MDFIC2: variants seen among roughly 807,000 people sequenced by gnomAD.
The protein encoded by MDFIC2 is MyoD family inhibitor domain containing 2, also known as myoD family inhibitor domain-containing protein 2.
chr3:70,241,010 G>A (rs139182160), intron 2 of MDFIC2, among the ~76,000 whole-genome samples: 221 of 152,008 alleles, frequency 1.5e-3, no homozygotes, highest in African/African-American at 4.4e-3. Context: ...TCATTTTTTC[G>A]TGTCCACCCA....
intron 2 of MDFIC2, among the ~76,000 whole-genome samples, chr3:70,259,221 T>C (rs891299820): frequency 2.6e-5 from 4 of 152,258 alleles, no homozygotes; most frequent in Middle Eastern, 6.8e-3. Context: ...CTATTCATAG[T>C]CTATGCTAAA....
chr3:70,299,418 C>T (rs1702324396), intron 2 of MDFIC2, among the ~76,000 whole-genome samples: 1 of 151,964 alleles, frequency 6.6e-6, no homozygotes, highest in African/African-American at 2.4e-5. Flanking sequence ...TTTTCATATT[C>T]TAATTTTTCT....
At chr3:70,289,281 C>T (rs1236610085) in intron 2 of MDFIC2, among the ~76,000 whole-genome samples, 7 of 151,036 alleles carry the variant, frequency 4.6e-5, no homozygotes, top group Non-Finnish European at 7.4e-5. Flanking sequence ...TCAGCATTTG[C>T]TTGTCTGTAA....
At chr3:70,289,598 C>T (rs1189111205) in intron 2 of MDFIC2, among the ~76,000 whole-genome samples, 28 of 149,336 alleles carry the variant, frequency 1.9e-4, no homozygotes, top group African/African-American at 6.1e-4. Flanking sequence ...TGAATCTGAA[C>T]GTTGGCCTGC....
At chr3:70,288,739 G>C (rs919952993) in intron 2 of MDFIC2, among the ~76,000 whole-genome samples, 6 of 151,858 alleles carry the variant, frequency 4.0e-5, no homozygotes, top group African/African-American at 1.5e-4. Context: ...GAATCTAGGT[G>C]CTCCTGTGTT....
rs1701429738 is a variant in MDFIC2, at chr3:70,217,809, TTC to T, written c.89-11021_89-11020del. The stretch of plus-strand genomic sequence containing the variant: ...CATTGAACCTGGTTTATTTAGCTAG[TTC>T]TGTCTCTGAGTTATGAGGGCTTGGG... On this transcript the variant is annotated intron_variant, in intron 2 of 3. Transcript: ENST00000567252. 2.0e-5 allele frequency among the ~76,000 whole-genome samples: 3 copies of T among 152,156 alleles called. No homozygotes were observed. The South Asian group carries it at 6.2e-4, about 31-fold the overall frequency.
In MDFIC2 at chr3:70,214,295, A is replaced by G. The variant is rs1701383783; in HGVS notation, c.89-7505T>C. 2.0e-5 allele frequency among the ~76,000 whole-genome samples: 3 copies of G among 152,246 alleles called. No individual in the cohort carries two copies. In the South Asian group the frequency reaches 6.2e-4, roughly 32 times the overall value. On this transcript the variant is annotated intron_variant, in intron 2 of 3. Transcript: ENST00000567252. ...TTCAAGTTAAAGTCACAGTCGTATA[A>G]ATCGTTGTTTTGATTTGTCTTCTGT...
rs1488656697 is a variant in MDFIC2, at chr3:70,216,468, A to G, written c.89-9678T>C. On this transcript the variant is annotated intron_variant, in intron 2 of 3. Transcript: ENST00000567252. ...CCCATTTTTCACATGAGGACACAGA[A>G]AACGCGGGGATATCAAATAACTTAC... 4.6e-5 allele frequency among the ~76,000 whole-genome samples: 7 copies of G among 152,022 alleles called. No individual in the cohort carries two copies. The East Asian group carries it at 1.4e-3, about 29-fold the overall frequency.
chr3:70,251,409 T>C (rs559225644), intron 2 of MDFIC2, among the ~76,000 whole-genome samples: 1 of 152,326 alleles, frequency 6.6e-6, no homozygotes, highest in South Asian at 2.1e-4. Context: ...TCCCAAGATT[T>C]AAGGTTACAG....
intron 2 of MDFIC2, chr3:70,272,457 G>T (rs1039263745): frequency 6.6e-5 from 10 of 152,196 alleles, no homozygotes; most frequent in African/African-American, 2.4e-4. Context: ...CAATGCTGGG[G>T]CATAATCCAT....
At chr3:70,290,791 G>A (rs1259578027) in intron 2 of MDFIC2, among the ~76,000 whole-genome samples, 1 of 152,206 alleles carries the variant, frequency 6.6e-6, no homozygotes, top group African/African-American at 2.4e-5. Flanking sequence ...TGTCGGAAAA[G>A]CGCAGTATTC....
At chr3:70,209,579 G>A (rs188019423) in intron 2 of MDFIC2, among the ~76,000 whole-genome samples, 1 of 152,088 alleles carries the variant, frequency 6.6e-6, no homozygotes, top group Non-Finnish European at 1.5e-5. Flanking sequence ...AGTTTATTTA[G>A]GTAAATTGTC....
intron 2 of MDFIC2, among the ~76,000 whole-genome samples, chr3:70,277,483 A>T (rs1247307628): frequency 6.6e-6 from 1 of 152,154 alleles, no homozygotes; most frequent in East Asian, 1.9e-4. Context: ...TCACTTGATA[A>T]TATTTAGAAT....
intron 2 of MDFIC2, among the ~76,000 whole-genome samples, chr3:70,295,046 A>G (rs1000383298): frequency 6.6e-6 from 1 of 152,166 alleles, no homozygotes; most frequent in African/African-American, 2.4e-5. Flanking sequence ...GCCTAAAATA[A>G]TCAATGATCT....
chr3:70,276,750 C>T (rs1367677504), intron 2 of MDFIC2, among the ~76,000 whole-genome samples: 2 of 152,158 alleles, frequency 1.3e-5, no homozygotes, highest in Admixed American at 6.5e-5. Flanking sequence ...TCTGTGTTTT[C>T]ACACTATAAT....
chr3:70,298,182 T>G (rs1304010856), intron 2 of MDFIC2, among the ~76,000 whole-genome samples: 2 of 152,148 alleles, frequency 1.3e-5, no homozygotes, highest in Non-Finnish European at 2.9e-5. Context: ...GGTTTGCAGG[T>G]TTTTGATCTG....
chr3:70,284,216 A>C (rs1036559919), intron 2 of MDFIC2, among the ~76,000 whole-genome samples: 3 of 152,190 alleles, frequency 2.0e-5, no homozygotes, highest in African/African-American at 7.2e-5. Flanking sequence ...ATTAACTACC[A>C]AGAAATGTGT....
intron 2 of MDFIC2, among the ~76,000 whole-genome samples, chr3:70,238,612 A>T (rs1440998323): frequency 1.3e-5 from 2 of 151,726 alleles, no homozygotes; most frequent in African/African-American, 2.4e-5. Flanking sequence ...CTTGTCTCAA[A>T]AAAGAAAAAA....
intron 2 of MDFIC2, chr3:70,283,592 T>C (rs947855667): frequency 3.3e-5 from 5 of 152,078 alleles, no homozygotes; most frequent in African/African-American, 1.2e-4. Context: ...TGAGCTTGGT[T>C]GTGTCCACCA....
Sources: gnomAD v4.1 joint callset for allele counts (sites outside exome capture counted in the v4.1 genomes callset) on GRCh38, gnomAD v4.1.1 for gene constraint, MANE v1.5 for transcripts, NCBI Gene and HGNC (gene_info 2026-07-23, HGNC 2026-07-21) for gene names.